The following DOCK3 variants were observed in gnomAD, a reference collection of about 807,000 sequenced individuals.
DOCK3 encodes dedicator of cytokinesis 3.
In DOCK3, 60 loss-of-function variants were observed where a neutral mutation model predicts 265.6. The observed-to-expected ratio is 0.23, with a 90% CI of 0.18 to 0.28. DOCK3 has a LOEUF of 0.28. DOCK3 is among the 10% of genes least tolerant of loss of function. The pLI, the probability that DOCK3 is intolerant of heterozygous loss-of-function variation, is 1.00. For missense variants in DOCK3, 1,981 were observed against 2,594.3 expected (o/e 0.76, Z 5.14); for synonymous variants, 881 against 938.0 (o/e 0.94, Z 1.11).
chr3:50,700,263 G>A (rs73072442), intron 1 of DOCK3, among the ~76,000 whole-genome samples: 14,355 of 152,284 alleles, frequency 0.094, 836 homozygotes, highest in Non-Finnish European at 0.12. Flanking sequence ...TGGGCGAAAA[G>A]AGTGAAACTC....
At chr3:51,312,341 G>A (rs2083117853) in intron 29 of DOCK3, 135 bp from the exon 30 acceptor site, 11 of 908,700 alleles carry the variant, frequency 1.2e-5, no homozygotes, top group African/African-American at 3.4e-5. Flanking sequence ...TGTTTGCAAA[G>A]ATATTTAAAA....
At chr3:51,003,102 C>T (rs1342441456) in intron 5 of DOCK3, among the ~76,000 whole-genome samples, 1 of 152,154 alleles carries the variant, frequency 6.6e-6, no homozygotes, top group Non-Finnish European at 1.5e-5. Flanking sequence ...TTCAGATAGC[C>T]AGAATCTCTT....
intron 2 of DOCK3, among the ~76,000 whole-genome samples, chr3:50,786,207 T>A (rs1294546259): frequency 6.6e-6 from 1 of 152,216 alleles, no homozygotes. Flanking sequence ...TCTTGGTTAA[T>A]CTTTCTAATG....
intron 5 of DOCK3, among the ~76,000 whole-genome samples, chr3:50,965,585 G>T (rs2077003756): frequency 6.6e-6 from 1 of 152,036 alleles, no homozygotes; most frequent in Non-Finnish European, 1.5e-5. Flanking sequence ...GCTTACTGAA[G>T]AAATAGGTGA....
At chr3:51,152,990 C>G (rs2085679824) in intron 10 of DOCK3, among the ~76,000 whole-genome samples, 1 of 152,230 alleles carries the variant, frequency 6.6e-6, no homozygotes, top group African/African-American at 2.4e-5. Context: ...TGTCCATTCT[C>G]AGAGCTCAAA....
intron 2 of DOCK3, among the ~76,000 whole-genome samples, chr3:50,779,749 A>G (rs958265201): frequency 8.5e-5 from 13 of 152,170 alleles, no homozygotes; most frequent in Non-Finnish European, 7.4e-5. Context: ...GGGTATTTCT[A>G]CTGTAACATT....
Position 50,813,388 on chromosome 3 carries a change from G to A in DOCK3, c.122-28287G>A, listed in dbSNP as rs559479919. On this transcript the variant is annotated intron_variant, in intron 2 of 52. Coordinates refer to ENST00000266037, the MANE Select transcript of DOCK3 (RefSeq NM_004947.5). Reference sequence around the variant, plus strand: ...CTGTTTCTACAAAAACAAGAATTAGGTGTGGTGGAGCATGTCTGTAGTCCC... The same window carrying A: ...CTGTTTCTACAAAAACAAGAATTAGATGTGGTGGAGCATGTCTGTAGTCCC... Among the ~76,000 whole-genome samples, 3 of 152,190 alleles carry A rather than the reference G, an allele frequency of 2.0e-5. No homozygotes were observed. In the East Asian group the frequency reaches 5.8e-4, roughly 29 times the overall value.
chr3:50,712,865 G>T (rs1025821690), intron 1 of DOCK3, among the ~76,000 whole-genome samples: 1 of 152,124 alleles, frequency 6.6e-6, no homozygotes, highest in Non-Finnish European at 1.5e-5. Flanking sequence ...GGCATAACAG[G>T]CTCTATCAAG....
intron 35 of DOCK3, among the ~76,000 whole-genome samples, chr3:51,334,209 A>G (rs1005452860): frequency 6.6e-6 from 1 of 152,170 alleles, no homozygotes; most frequent in African/African-American, 2.4e-5. Flanking sequence ...GAATTAGTCC[A>G]AACATGACAA....
intron 1 of DOCK3, among the ~76,000 whole-genome samples, chr3:50,753,111 A>G (rs1482082571): frequency 6.6e-6 from 1 of 152,216 alleles, no homozygotes; most frequent in Non-Finnish European, 1.5e-5. Context: ...ATGAAATTCA[A>G]AATATAATAA....
intron 12 of DOCK3, among the ~76,000 whole-genome samples, chr3:51,168,419 G>A (rs2086510415): frequency 2.0e-5 from 3 of 152,134 alleles, no homozygotes; most frequent in Admixed American, 2.0e-4. Flanking sequence ...ACAGAATACA[G>A]AGCCCAGAAA....
chr3:50,801,757 T>C (rs2675799), intron 2 of DOCK3, among the ~76,000 whole-genome samples: 14,333 of 152,190 alleles, frequency 0.094, 832 homozygotes, highest in Non-Finnish European at 0.12. Flanking sequence ...CCATTGTTGG[T>C]TTTCTGTCAA....
chr3:50,946,219 CTG>C (rs2076423401), intron 5 of DOCK3, among the ~76,000 whole-genome samples: 1 of 150,718 alleles, frequency 6.6e-6, no homozygotes, highest in Admixed American at 6.6e-5. Context: ...TTGTAGGAGT[CTG>C]TTACTGAAGA....
chr3:51,326,262 T>C (rs1252105949), intron 32 of DOCK3, among the ~76,000 whole-genome samples: 1 of 70,868 alleles, frequency 1.4e-5, no homozygotes, highest in Non-Finnish European at 2.5e-5. Flanking sequence ...TTATTTTTTT[T>C]AATTTTTTTT....
At chr3:50,956,847 A>AGTATT (rs922554667) in intron 5 of DOCK3, among the ~76,000 whole-genome samples, 1 of 152,032 alleles carries the variant, frequency 6.6e-6, no homozygotes, top group African/African-American at 2.4e-5. Flanking sequence ...AAAGTGGATG[A>AGTATT]GTATTGTATT....
intron 2 of DOCK3, among the ~76,000 whole-genome samples, chr3:50,815,384 T>C (rs2044016267): frequency 6.6e-6 from 1 of 152,206 alleles, no homozygotes; most frequent in African/African-American, 2.4e-5. Context: ...CATGTACATA[T>C]CAATTTCTCC....
intron 49 of DOCK3, among the ~76,000 whole-genome samples, chr3:51,372,609 G>C (rs759651373): frequency 1.3e-5 from 2 of 152,190 alleles, no homozygotes; most frequent in Non-Finnish European, 2.9e-5. Context: ...GAGAGACCAC[G>C]GACAACCTGA....
chr3:51,229,498 G>T lies in DOCK3; in HGVS notation c.1820-14G>T. On this transcript the variant is annotated splice_polypyrimidine_tract_variant and intron_variant, in intron 18 of 52. Coordinates refer to ENST00000266037, the MANE Select transcript of DOCK3 (RefSeq NM_004947.5). The stretch of plus-strand genomic sequence containing the variant: ...GGTTTCAAGGGTTCCTCATCTTTTG[G>T]GCTTGCTTTCTAGTGGACCTCCTAG... 6.4e-7 allele frequency: 1 copy of T among 1,562,494 alleles called. No individual in the cohort carries two copies. Among genetic ancestry groups the T allele is most frequent in the Non-Finnish European group, 8.6e-7 (1 of 1,157,834 alleles).
rs544739795 is a variant in DOCK3 at position 51,379,435 on chromosome 3, T to A, written c.5501-690T>A. The A allele has an allele frequency of 2.7e-5, 27 of 985,450 alleles. No individual in the cohort carries two copies. The South Asian group carries it at 1.2e-3, about 43-fold the overall frequency. 61.0% of individuals were successfully genotyped at this position (985,450 alleles called of 1,614,324 possible). A position where few individuals can be genotyped will look rare whatever the true frequency, so the allele number is the denominator to read the frequency against. ...AAGTAACCTCCCTTCATGCCATCTGTTTCCACCCTTCAGCTGTGCCAGCAG... is the reference window on the plus strand; with the variant it reads ...AAGTAACCTCCCTTCATGCCATCTGATTCCACCCTTCAGCTGTGCCAGCAG... On this transcript the variant is annotated intron_variant, in intron 51 of 52. Transcript: ENST00000266037.
Sources: gnomAD v4.1 joint callset for allele counts (sites outside exome capture counted in the v4.1 genomes callset) on GRCh38, gnomAD v4.1.1 for gene constraint, MANE v1.5 for transcripts, NCBI Gene and HGNC (gene_info 2026-07-23, HGNC 2026-07-21) for gene names.